Variants in EPHA3 observed in about 807,000 individuals in gnomAD.
EPHA3 encodes the protein ephrin type-A receptor 3.
In EPHA3, 42 loss-of-function variants were observed where a neutral mutation model predicts 107.1. The ratio of observed to expected loss-of-function variants is 0.39; its 90% CI spans 0.31 to 0.51. The LOEUF is 0.51. EPHA3 is among the 20% of genes least tolerant of loss of function. EPHA3 has a pLI of 0.78. For missense variants in EPHA3, 1,183 were observed against 1,211.2 expected (o/e 0.98, Z 0.35); for synonymous variants, 461 against 424.8 (o/e 1.09, Z -1.05).
intron 5 of EPHA3, among the ~76,000 whole-genome samples, chr3:89,369,970 C>A (rs2107469598): frequency 6.6e-6 from 1 of 150,716 alleles, no homozygotes; most frequent in East Asian, 1.9e-4. Context: ...CCATCTCACA[C>A]CAATTAGAAT....
intron 3 of EPHA3, among the ~76,000 whole-genome samples, chr3:89,222,862 T>C (rs530495082): frequency 2.1e-4 from 32 of 152,318 alleles, no homozygotes; most frequent in South Asian, 1.9e-3. Context: ...AGTAAATGAA[T>C]GTGACTTAAA....
At chr3:89,431,515 T>C (rs563068278) in intron 13 of EPHA3, among the ~76,000 whole-genome samples, 156 bp downstream of exon 13, 98 of 152,272 alleles carry the variant, frequency 6.4e-4, no homozygotes, top group African/African-American at 2.3e-3. Flanking sequence ...TTATTTATTC[T>C]GGGTAAATAG....
rs1346723968 is a variant in EPHA3, at chr3:89,364,252, TTGA to T, written c.1306+22166_1306+22168del. Among the ~76,000 whole-genome samples the T allele has an allele frequency of 2.8e-4, 43 of 151,002 alleles. 1 individual carries two copies. The highest frequency in any genetic ancestry group is 9.9e-4 in the African/African-American group (41 of 41,446). ...TGTTAATCATCTTTGGGTACTGCTATTGATGAAAACTCTCAGCTCAGTGATTTT... is the reference window on the plus strand; with the variant it reads ...TGTTAATCATCTTTGGGTACTGCTATTGAAAACTCTCAGCTCAGTGATTTT... On this transcript the variant is annotated intron_variant, in intron 5 of 16. Coordinates refer to ENST00000336596, the MANE Select transcript of EPHA3 (RefSeq NM_005233.6).
intron 11 of EPHA3, among the ~76,000 whole-genome samples, chr3:89,426,799 C>T (rs1709466504): frequency 6.6e-6 from 1 of 151,854 alleles, no homozygotes; most frequent in Non-Finnish European, 1.5e-5. Context: ...ACATATCATT[C>T]CTCCCAGCAC....
At chr3:89,410,361 A>C (rs1336379126) in intron 9 of EPHA3, among the ~76,000 whole-genome samples, 2 of 151,958 alleles carry the variant, frequency 1.3e-5, no homozygotes, top group Non-Finnish European at 2.9e-5. Flanking sequence ...GGGTAAATCT[A>C]AATCACACAA....
chr3:89,345,525 C>T (rs1448123684), intron 5 of EPHA3, among the ~76,000 whole-genome samples: 1 of 150,712 alleles, frequency 6.6e-6, no homozygotes, highest in Non-Finnish European at 1.5e-5. Context: ...CCCCATCTCT[C>T]TTTCTATGTA....
At chr3:89,176,159 G>A (rs780776267) in intron 2 of EPHA3, among the ~76,000 whole-genome samples, 2 of 152,004 alleles carry the variant, frequency 1.3e-5, no homozygotes, top group South Asian at 4.1e-4. Context: ...AAGATTATAG[G>A]TGTTGAAGTT....
At chr3:89,476,614 TTTA>T (rs1559710458) in intron 16 of EPHA3, among the ~76,000 whole-genome samples, 4 of 144,238 alleles carry the variant, frequency 2.8e-5, no homozygotes, top group South Asian at 2.2e-4. Context: ...TATTTATTTA[TTTA>T]ATTTTTTTGA....
intron 2 of EPHA3, among the ~76,000 whole-genome samples, chr3:89,136,329 G>GTTTTTTTTTTTTTTTTTTTTTTTTTTTTT (rs1559747476): frequency 4.2e-5 from 1 of 23,870 alleles, no homozygotes; most frequent in Non-Finnish European, 8.6e-5. Flanking sequence ...AATCTTACAG[G>GTTTTTTTTTTTTTTTTTTTTTTTTTTTTT]CTTTTTTTTT....
chr3:89,170,124 G>T (rs1345050597), intron 2 of EPHA3, among the ~76,000 whole-genome samples: 2 of 151,910 alleles, frequency 1.3e-5, no homozygotes, highest in African/African-American at 4.8e-5. Flanking sequence ...GGTGGTGGGC[G>T]CCTGTGGTCC....
intron 2 of EPHA3, among the ~76,000 whole-genome samples, chr3:89,153,355 G>T (rs1704728548): frequency 6.6e-6 from 1 of 151,946 alleles, no homozygotes; most frequent in South Asian, 2.1e-4. Context: ...TCAGCCTTCT[G>T]CAAAATGTAG....
intron 5 of EPHA3, among the ~76,000 whole-genome samples, chr3:89,385,126 T>C (rs80097717): frequency 0.016 from 2,438 of 152,324 alleles, 68 homozygotes; most frequent in African/African-American, 0.055. Flanking sequence ...ATATACTGCA[T>C]TTTCTAAAAG....
At position 89,452,787 on chromosome 3, in the gene EPHA3, T is replaced by C. The variant is rs576955753; in HGVS notation, c.2690+2417T>C. Among the ~76,000 whole-genome samples the C allele has an allele frequency of 1.1e-4, 17 of 152,302 alleles. No homozygotes were observed. In the South Asian group the frequency reaches 3.1e-3, roughly 28 times the overall value. On this transcript the variant is annotated intron_variant, in intron 15 of 16. Transcript: ENST00000336596. ...TACCAAGACCAGTGTCATAGAGCTTTCTTCCTGTATTTCCTGCTAGAAGCT... is the reference window on the plus strand; with the variant it reads ...TACCAAGACCAGTGTCATAGAGCTTCCTTCCTGTATTTCCTGCTAGAAGCT...
chr3:89,334,197 A>ATG (rs1302153835), intron 3 of EPHA3, among the ~76,000 whole-genome samples: 9 of 152,288 alleles, frequency 5.9e-5, no homozygotes, highest in African/African-American at 2.2e-4. Context: ...TTGGCAGTCA[A>ATG]TGTATATCAT....
chr3:89,272,386 A>C (rs1476394394), intron 3 of EPHA3, among the ~76,000 whole-genome samples: 1 of 151,930 alleles, frequency 6.6e-6, no homozygotes, highest in Non-Finnish European at 1.5e-5. Flanking sequence ...AATATGTCAC[A>C]CAGCTGTGGT....
In EPHA3 at chr3:89,427,123, G is replaced by T. The variant is rs531060350; in HGVS notation, c.2075-1983G>T. 1.1e-3 allele frequency among the ~76,000 whole-genome samples: 172 copies of T among 151,950 alleles called. 1 individual carries two copies. Among genetic ancestry groups the T allele is most frequent in the African/African-American group, 3.9e-3 (162 of 41,500 alleles). On this transcript the variant is annotated intron_variant, in intron 11 of 16. Coordinates refer to ENST00000336596, the MANE Select transcript of EPHA3 (RefSeq NM_005233.6). The stretch of plus-strand genomic sequence containing the variant: ...ACATTAACTAGATAGATGTTACATG[G>T]TGCCTTAAAGACATAAATCAGTGTC...
intron 3 of EPHA3, among the ~76,000 whole-genome samples, chr3:89,338,673 C>G (rs1012765516): frequency 3.3e-5 from 5 of 152,170 alleles, no homozygotes; most frequent in African/African-American, 1.2e-4. Flanking sequence ...CTCAGCCTCC[C>G]GAGTAGCTGG....
chr3:89,377,876 T>A lies in EPHA3; in HGVS notation c.1307-17961T>A, dbSNP rs528405294. Among the ~76,000 whole-genome samples, 4 of 152,132 alleles carry A rather than the reference T, an allele frequency of 2.6e-5. No homozygotes were observed. In the South Asian group the frequency reaches 8.3e-4, roughly 32 times the overall value. ...ATGGCTCTGAAAATTAGAAAAAAAATATGGAACACATAGAAAAATGTTCAA... is the reference window on the plus strand; with the variant it reads ...ATGGCTCTGAAAATTAGAAAAAAAAAATGGAACACATAGAAAAATGTTCAA... On this transcript the variant is annotated intron_variant, in intron 5 of 16. Coordinates refer to ENST00000336596, the MANE Select transcript of EPHA3 (RefSeq NM_005233.6).
chr3:89,442,055 C>T (rs766207092), intron 13 of EPHA3, among the ~76,000 whole-genome samples: 6 of 151,894 alleles, frequency 4.0e-5, no homozygotes, highest in Non-Finnish European at 8.8e-5. Context: ...CTTATACCTC[C>T]ATTTAATAAA....
Sources: gnomAD v4.1 joint callset for allele counts (sites outside exome capture counted in the v4.1 genomes callset) on GRCh38, gnomAD v4.1.1 for gene constraint, MANE v1.5 for transcripts, NCBI Gene and HGNC (gene_info 2026-07-23, HGNC 2026-07-21) for gene names.